Variants in TENM4 observed in about 807,000 individuals in gnomAD.
TENM4 encodes teneurin-4.
A neutral mutation model predicts 243.3 loss-of-function variants in TENM4; 82 were observed. That is an observed-to-expected ratio of 0.34 (90% CI 0.28 to 0.40). The LOEUF is 0.40. Ranked by LOEUF, TENM4 falls within the 10% of genes least tolerant of loss-of-function variation. The probability of loss-of-function intolerance (pLI) is 1.00; values close to 1 mark genes in which losing one functional copy is unlikely to be tolerated. For missense variants in TENM4, 3,138 were observed against 3,673.3 expected, an observed-to-expected ratio of 0.85 and a Z score of 3.77; for synonymous variants, 1,412 against 1,456.3, an observed-to-expected ratio of 0.97 and a Z score of 0.69.
chr11:78,942,857 A>C (rs554848674), intron 6 of TENM4, among the ~76,000 whole-genome samples: 1 of 151,408 alleles, frequency 6.6e-6, no homozygotes, highest in South Asian at 2.1e-4. Flanking sequence ...TAAATTGCCC[A>C]AATGCTCTGC....
Position 78,723,023 on chromosome 11 carries a change from T to A in TENM4, c.3551-106A>T, listed in dbSNP as rs1189038070. ...TTTTGCAAGGCATGCAAGATCTCCA[T>A]CAACCATTTCCAGGATCATAGCCCA... On this transcript the variant is annotated intron_variant, in intron 23 of 33. Transcript: ENST00000278550. The A allele has an allele frequency of 5.4e-6, 8 of 1,473,276 alleles. No homozygotes were observed. The African/African-American group carries it at 7.0e-5, about 13-fold the overall frequency. 91.3% of individuals were successfully genotyped at this position (1,473,276 alleles called of 1,614,324 possible). A position where few individuals can be genotyped will look rare whatever the true frequency, so the allele number is the denominator to read the frequency against.
Position 79,389,501 on chromosome 11 carries a change from A to T in TENM4, c.-321+51008T>A, listed in dbSNP as rs118180619. 3.3e-3 allele frequency among the ~76,000 whole-genome samples: 508 copies of T among 152,306 alleles called. 5 individuals carry two copies. The East Asian group carries it at 0.036, about 11-fold the overall frequency. On this transcript the variant is annotated intron_variant, in intron 1 of 33. Transcript: ENST00000278550. ...GGCCTAGGCCCCGAGTCCCATCATC[A>T]GTGTTTCTTAGAAGCACCCTAGGTG...
At chr11:79,199,227 AGAT>A (rs1483717232) in intron 3 of TENM4, among the ~76,000 whole-genome samples, 3 of 152,178 alleles carry the variant, frequency 2.0e-5, no homozygotes, top group Non-Finnish European at 2.9e-5. Context: ...TCCAAATTGG[AGAT>A]GATGATAATA....
intron 6 of TENM4, among the ~76,000 whole-genome samples, chr11:79,060,589 T>C (rs2016337): frequency 0.47 from 71,547 of 152,056 alleles, 17,251 homozygotes; most frequent in Non-Finnish European, 0.53. Context: ...TCTGAGAACT[T>C]GGTTGCACAT....
At chr11:78,876,805 C>G (rs957966841) in intron 9 of TENM4, among the ~76,000 whole-genome samples, 1 of 152,192 alleles carries the variant, frequency 6.6e-6, no homozygotes, top group African/African-American at 2.4e-5. Flanking sequence ...CCAGTTTAAA[C>G]CTGAATTTGG....
chr11:79,141,229 T>G (rs985806980), intron 4 of TENM4, among the ~76,000 whole-genome samples: 1 of 152,008 alleles, frequency 6.6e-6, no homozygotes, highest in Non-Finnish European at 1.5e-5. Flanking sequence ...ATTTTCTGAC[T>G]GTGACTCAAC....
intron 1 of TENM4, among the ~76,000 whole-genome samples, chr11:79,359,868 A>C (rs1377218765): frequency 6.6e-6 from 1 of 152,198 alleles, no homozygotes; most frequent in Non-Finnish European, 1.5e-5. Flanking sequence ...AGGGATGCTC[A>C]GGACCCGAAG....
chr11:78,843,446 C>T (rs1352802151), intron 12 of TENM4, among the ~76,000 whole-genome samples: 1 of 151,956 alleles, frequency 6.6e-6, no homozygotes, highest in Non-Finnish European at 1.5e-5. Flanking sequence ...ATGATTGTGC[C>T]ACTGGACTCC....
At chr11:78,725,162 G>T (rs571840250) in intron 23 of TENM4, among the ~76,000 whole-genome samples, 1 of 152,330 alleles carries the variant, frequency 6.6e-6, no homozygotes, top group East Asian at 1.9e-4. Context: ...GCACCACACA[G>T]TTTTAGATAA....
intron 6 of TENM4, among the ~76,000 whole-genome samples, chr11:79,017,309 T>C (rs1398931743): frequency 6.6e-6 from 1 of 152,174 alleles, no homozygotes; most frequent in Non-Finnish European, 1.5e-5. Flanking sequence ...GGTGGGAGTT[T>C]AGTCTCTGCT....
At chr11:78,855,445 G>C (rs1858658894) in intron 11 of TENM4, among the ~76,000 whole-genome samples, 1 of 152,202 alleles carries the variant, frequency 6.6e-6, no homozygotes, top group Admixed American at 6.5e-5. Flanking sequence ...CCCTGAAGGA[G>C]AGAAGGAATA....
At chr11:78,945,474 G>A (rs569678147) in intron 6 of TENM4, among the ~76,000 whole-genome samples, 2 of 152,200 alleles carry the variant, frequency 1.3e-5, no homozygotes, top group African/African-American at 2.4e-5. Context: ...CCTCTCCTCC[G>A]GCCTTTCTAT....
intron 1 of TENM4, among the ~76,000 whole-genome samples, chr11:79,432,079 T>C (rs1425476528): frequency 6.6e-6 from 1 of 152,246 alleles, no homozygotes; most frequent in Non-Finnish European, 1.5e-5. Context: ...TTCATTTTAA[T>C]TAAATTTAGT....
At chr11:78,804,529 G>A (rs1048253488) in intron 15 of TENM4, among the ~76,000 whole-genome samples, 1 of 152,166 alleles carries the variant, frequency 6.6e-6, no homozygotes, top group Non-Finnish European at 1.5e-5. Flanking sequence ...GGTGACTCAC[G>A]TATGTTCCCA....
intron 3 of TENM4, among the ~76,000 whole-genome samples, chr11:79,169,572 T>C (rs1862992740): frequency 6.6e-6 from 1 of 152,184 alleles, no homozygotes; most frequent in African/African-American, 2.4e-5. Context: ...TCTCTGGTCA[T>C]GCTCAGGCTC....
chr11:79,273,740 G>A (rs959552323), intron 2 of TENM4, among the ~76,000 whole-genome samples: 1 of 152,170 alleles, frequency 6.6e-6, no homozygotes, highest in African/African-American at 2.4e-5. Context: ...TGTTCTGAAA[G>A]CCTCGTTAGC....
chr11:79,136,640 G>A (rs1862115826), intron 4 of TENM4, among the ~76,000 whole-genome samples: 1 of 152,128 alleles, frequency 6.6e-6, no homozygotes, highest in Non-Finnish European at 1.5e-5. Context: ...TGTTCTCACT[G>A]GAACAGATAC....
At chr11:79,010,548 C>T (rs1858617965) in intron 6 of TENM4, among the ~76,000 whole-genome samples, 1 of 152,156 alleles carries the variant, frequency 6.6e-6, no homozygotes, top group South Asian at 2.1e-4. Context: ...TTCCACATGG[C>T]TGGGGAGGCC....
intron 6 of TENM4, among the ~76,000 whole-genome samples, chr11:78,974,318 C>T (rs1857604719): frequency 6.6e-6 from 1 of 152,134 alleles, no homozygotes; most frequent in African/African-American, 2.4e-5. Context: ...TTTTCACAGC[C>T]ATGATCTCAT....
Sources: allele counts gnomAD v4.1 joint callset (sites outside exome capture counted in the v4.1 genomes callset), GRCh38; gene constraint gnomAD v4.1.1; transcripts MANE v1.5; gene names NCBI Gene and HGNC (gene_info 2026-07-23, HGNC 2026-07-21).